Variants in MYT1L observed in about 807,000 individuals in gnomAD.
The protein encoded by MYT1L is myelin transcription factor 1 like, also known as myelin transcription factor 1-like protein.
A neutral mutation model predicts 126.7 loss-of-function variants in MYT1L; 12 were observed. The ratio of observed to expected loss-of-function variants is 0.09; its 90% CI spans 0.06 to 0.15. The LOEUF (loss-of-function observed/expected upper bound fraction) is 0.15. MYT1L is among the 10% of genes least tolerant of loss of function. The pLI, the probability that MYT1L is intolerant of heterozygous loss-of-function variation, is 1.00. For missense variants in MYT1L, 979 were observed against 1,585.2 expected (o/e 0.62, Z 6.49); for synonymous variants, 541 against 604.2 (o/e 0.90, Z 1.53).
intron 5 of MYT1L, among the ~76,000 whole-genome samples, chr2:1,992,149 T>G (rs565919397): frequency 1.3e-5 from 2 of 152,180 alleles, no homozygotes; most frequent in East Asian, 1.9e-4. Flanking sequence ...TAGACATCGG[T>G]TTTTCTGCAC....
At chr2:1,937,829 G>A (rs2056176693) in intron 9 of MYT1L, among the ~76,000 whole-genome samples, 1 of 152,202 alleles carries the variant, frequency 6.6e-6, no homozygotes. Context: ...TTCCTCTCAA[G>A]CAGCCCCTCC....
At chr2:2,287,939 G>A (rs527462961) in intron 1 of MYT1L, among the ~76,000 whole-genome samples, 2 of 152,080 alleles carry the variant, frequency 1.3e-5, no homozygotes, top group Non-Finnish European at 2.9e-5. Flanking sequence ...CTAAACACAA[G>A]GCCTTACATT....
At chr2:1,826,250 G>A (rs543124379) in intron 21 of MYT1L, among the ~76,000 whole-genome samples, 5 of 152,356 alleles carry the variant, frequency 3.3e-5, no homozygotes, top group South Asian at 4.1e-4. Flanking sequence ...CTAGAAGACC[G>A]GCACGGTGCT....
chr2:2,184,267 A>ATTATATATTATACATTACAGTGTT (rs2091888200), intron 2 of MYT1L, among the ~76,000 whole-genome samples: 1 of 152,214 alleles, frequency 6.6e-6, no homozygotes, highest in Non-Finnish European at 1.5e-5. Context: ...CATACAAAGT[A>ATTATATATTATACATTACAGTGTT]ATAAATACAT....
chr2:1,957,645 C>T (rs528586152), intron 8 of MYT1L, among the ~76,000 whole-genome samples: 9 of 152,274 alleles, frequency 5.9e-5, no homozygotes, highest in South Asian at 2.1e-4. Context: ...ATCTATCTAT[C>T]GTTATCATCT....
At chr2:2,197,977 T>A (rs2092898029) in intron 2 of MYT1L, among the ~76,000 whole-genome samples, 1 of 149,798 alleles carries the variant, frequency 6.7e-6, no homozygotes, top group South Asian at 2.2e-4. Context: ...TAGGTATAAA[T>A]AACATACATA....
intron 4 of MYT1L, among the ~76,000 whole-genome samples, chr2:2,004,766 A>ACGTTCTTTCCTGCAGG (rs747554679): frequency 0.38 from 41,214 of 109,006 alleles, 8,380 homozygotes; most frequent in African/African-American, 0.59. Context: ...TTTCCTGAAT[A>ACGTTCTTTCCTGCAGG]CGTTCTTTCC....
intron 5 of MYT1L, among the ~76,000 whole-genome samples, chr2:1,989,457 C>CA (rs1212074302): frequency 1.3e-5 from 2 of 152,144 alleles, no homozygotes; most frequent in Non-Finnish European, 2.9e-5. Flanking sequence ...CTGCAGCCCT[C>CA]AGCATGGCAC....
At chr2:1,841,498 G>A (rs1205070350) in intron 19 of MYT1L, 1 of 152,430 alleles carries the variant, frequency 6.6e-6, no homozygotes, top group African/African-American at 2.4e-5. Flanking sequence ...CAGGAGGAGA[G>A]TTCTTTCCCT....
chr2:2,022,963 C>T (rs2065179804), intron 4 of MYT1L, among the ~76,000 whole-genome samples: 1 of 152,150 alleles, frequency 6.6e-6, no homozygotes, highest in African/African-American at 2.4e-5. Context: ...CAGGACTCAC[C>T]TACATGGCCC....
chr2:2,036,847 C>T (rs945764851), intron 4 of MYT1L, among the ~76,000 whole-genome samples: 4 of 152,176 alleles, frequency 2.6e-5, no homozygotes, highest in Non-Finnish European at 5.9e-5. Context: ...TTTGCAGTCA[C>T]CAGTAGCTTC....
intron 3 of MYT1L, among the ~76,000 whole-genome samples, chr2:2,139,119 G>A (rs547715769): frequency 5.3e-5 from 8 of 151,388 alleles, no homozygotes; most frequent in South Asian, 2.1e-4. Flanking sequence ...ACCAAGAGGC[G>A]TGAATCTAAG....
At chr2:2,192,255 G>A (rs945965754) in intron 2 of MYT1L, among the ~76,000 whole-genome samples, 17 of 152,312 alleles carry the variant, frequency 1.1e-4, no homozygotes, top group African/African-American at 3.8e-4. Context: ...GCAGTCTGGC[G>A]GAACACCATC....
intron 1 of MYT1L, among the ~76,000 whole-genome samples, chr2:2,318,045 G>T (rs1055155387): frequency 6.6e-6 from 1 of 152,132 alleles, no homozygotes; most frequent in Non-Finnish European, 1.5e-5. Context: ...GATAGAGGCC[G>T]TTTTTGCAAT....
At chr2:1,903,926 C>CGTGT (rs140944278) in intron 13 of MYT1L, among the ~76,000 whole-genome samples, 4,207 of 150,572 alleles carry the variant, frequency 0.028, 83 homozygotes, top group Non-Finnish European at 0.044. Flanking sequence ...GACACCATGT[C>CGTGT]GTGTGTGTGT....
At chr2:1,881,784 T>C (rs1444319005) in intron 18 of MYT1L, among the ~76,000 whole-genome samples, 1 of 152,092 alleles carries the variant, frequency 6.6e-6, no homozygotes, top group Non-Finnish European at 1.5e-5. Flanking sequence ...AAAAATAAAT[T>C]CTCTGTGTGT....
chr2:1,850,035 G>GC (rs746047580), intron 19 of MYT1L, among the ~76,000 whole-genome samples: 9 of 150,600 alleles, frequency 6.0e-5, no homozygotes, highest in Non-Finnish European at 4.4e-5. Context: ...GGGTGGTGAG[G>GC]GGGGGGCCAT....
At chr2:1,923,823 A>G (rs1461003086) in intron 9 of MYT1L, among the ~76,000 whole-genome samples, 1 of 152,228 alleles carries the variant, frequency 6.6e-6, no homozygotes, top group East Asian at 1.9e-4. Context: ...GCTCAGATTC[A>G]TAAGCACATG....
At chr2:2,187,214 C>G (rs554716043) in intron 2 of MYT1L, among the ~76,000 whole-genome samples, 6 of 151,948 alleles carry the variant, frequency 3.9e-5, no homozygotes, top group African/African-American at 1.5e-4. Context: ...ATGAGCTTCC[C>G]CCAGCCATCA....
Sources: gnomAD v4.1 joint callset for allele counts (sites outside exome capture counted in the v4.1 genomes callset) on GRCh38, gnomAD v4.1.1 for gene constraint, MANE v1.5 for transcripts, NCBI Gene and HGNC (gene_info 2026-07-23, HGNC 2026-07-21) for gene names.